Variants in ATG12 observed in about 807,000 individuals in gnomAD.
ATG12 encodes autophagy related 12.
A neutral mutation model predicts 17.6 loss-of-function variants in ATG12; 19 were observed. That is an observed-to-expected ratio of 1.08 (90% CI 0.75 to 1.58). ATG12 has a LOEUF of 1.58. Among genes scored for constraint, ATG12 ranks in the 40% most tolerant of loss-of-function variants. The pLI is 0.00. For synonymous variants in ATG12, 75 were observed against 62.4 expected, an observed-to-expected ratio of 1.20 and a Z score of -0.95; for missense variants, 214 against 162.0, an observed-to-expected ratio of 1.32 and a Z score of -1.74.
In ATG12 at chr5:115,831,620, T is replaced by C. The variant is rs533822467; in HGVS notation, c.*184A>G. The C allele has an allele frequency of 1.3e-4, 83 of 648,286 alleles. No individual in the cohort carries two copies. Among genetic ancestry groups the C allele is most frequent in the South Asian group, 7.5e-4 (42 of 56,290 alleles). 40.2% of individuals were successfully genotyped at this position (648,286 alleles called of 1,614,324 possible). ...TCTTTTATGATGACTGGTGCATTAA[T>C]ACAAATCACATTTTTCTGAGTCCAT... is the stretch of plus-strand genomic sequence containing the variant. On this transcript the variant is annotated 3_prime_UTR_variant, in exon 4 of 4. Coordinates refer to ENST00000509910, the MANE Select transcript of ATG12 (RefSeq NM_004707.4).
chr5:115,833,683 TTAAA>T (rs1760979096), intron 2 of ATG12: 1 of 152,160 alleles, frequency 6.6e-6, no homozygotes, highest in Admixed American at 6.5e-5. Flanking sequence ...TAAATTATCT[TTAAA>T]TAGTTCATGC....
chr5:115,831,717 C>A lies in ATG12; in HGVS notation c.*87G>T. The stretch of plus-strand genomic sequence containing the variant: ...ACTAAATAGATCACATCTGTTAAGT[C>A]TCTTGCCACAAGCATCAAAACTTTT... On this transcript the variant is annotated 3_prime_UTR_variant, in exon 4 of 4. Coordinates refer to ENST00000509910, the MANE Select transcript of ATG12 (RefSeq NM_004707.4). 2 of 1,245,222 alleles carry A rather than the reference C, an allele frequency of 1.6e-6. No individual in the cohort carries two copies. Among genetic ancestry groups the A allele is most frequent in the South Asian group, 2.5e-5 (2 of 79,110 alleles). 77.1% of individuals were successfully genotyped at this position (1,245,222 alleles called of 1,614,324 possible). A position where few individuals can be genotyped will look rare whatever the true frequency, so the allele number is the denominator to read the frequency against.
At chr5:115,840,184 A>G (rs899605585) in intron 1 of ATG12, among the ~76,000 whole-genome samples, 2 of 152,194 alleles carry the variant, frequency 1.3e-5, no homozygotes, top group African/African-American at 4.8e-5. Context: ...AAATACTTAT[A>G]GTGCATCAGG....
chr5:115,840,110 T>C (rs1420110205), intron 1 of ATG12, among the ~76,000 whole-genome samples: 2 of 151,990 alleles, frequency 1.3e-5, no homozygotes, highest in South Asian at 4.2e-4. Context: ...GAAGAAAAAA[T>C]GCAACAAAAC....
At chr5:115,836,422 C>G (rs1761102621) in intron 2 of ATG12, among the ~76,000 whole-genome samples, 1 of 152,170 alleles carries the variant, frequency 6.6e-6, no homozygotes, top group African/African-American at 2.4e-5. Context: ...GCATCTTTAG[C>G]AAAGATGCAG....
In ATG12 at chr5:115,841,440, G is replaced by C. The variant is rs773469743; in HGVS notation, c.113C>G (p.Ala38Gly). 6.2e-7 allele frequency: 1 copy of C among 1,610,100 alleles called. No individual in the cohort carries two copies. The highest frequency in any genetic ancestry group is 8.5e-7 in the Non-Finnish European group (1 of 1,179,108). Reference protein sequence around the residue: ...ETTTPEPPSSAAVSPGTEEPA... With the variant: ...ETTTPEPPSSGAVSPGTEEPA... ...TTCCTCTGTTCCCGGGGAAACTGCAGCGGAAGACGGGGGCTCCGGGGTGGT... is the reference window on the plus strand; with the variant it reads ...TTCCTCTGTTCCCGGGGAAACTGCACCGGAAGACGGGGGCTCCGGGGTGGT... Residue 38 changes from alanine (A) to glycine (G), a missense_variant, in exon 1 of 4, where the codon GCT becomes GGT. By Grantham distance (60) the Ala-to-Gly change is moderately conservative. Coordinates refer to ENST00000509910, the MANE Select transcript of ATG12 (RefSeq NM_004707.4).
rs1271554149 is a variant in ATG12, at chr5:115,828,920, C to G, written c.*2884G>C. On this transcript the variant is annotated 3_prime_UTR_variant, in exon 4 of 4. Coordinates refer to ENST00000509910, the MANE Select transcript of ATG12 (RefSeq NM_004707.4). ...TCTTCTCCTTGAATGATTCAGATAG[C>G]CTTTAAAAAGTTAAAATCTGAATCA... 6.6e-6 allele frequency: 1 copy of G among 151,982 alleles called. No homozygotes were observed. Among genetic ancestry groups the G allele is most frequent in the Non-Finnish European group, 1.5e-5 (1 of 67,986 alleles). 9.4% of individuals were successfully genotyped at this position (151,982 alleles called of 1,614,324 possible). A position where few individuals can be genotyped will look rare whatever the true frequency, so the allele number is the denominator to read the frequency against.
chr5:115,832,943 G>A, intron 2 of ATG12: 1 of 268,606 alleles, frequency 3.7e-6, no homozygotes, highest in Non-Finnish European at 6.9e-6. Flanking sequence ...AATAGCTTTT[G>A]AAGAGCTGGC....
chr5:115,833,251 A>C (rs1158574083), intron 2 of ATG12: 1 of 152,162 alleles, frequency 6.6e-6, no homozygotes, highest in African/African-American at 2.4e-5. Context: ...TAGTACTTAA[A>C]GTCACAGTGT....
rs1760831745 is a variant in ATG12 at position 115,830,613 on chromosome 5, A to T, written c.*1191T>A. The T allele has an allele frequency of 6.6e-6, 1 of 151,786 alleles. No individual in the cohort carries two copies. Among genetic ancestry groups the T allele is most frequent in the African/African-American group, 2.4e-5 (1 of 41,280 alleles). The allele number at this position is 151,786 out of a possible 1,614,324, so 9.4% of individuals were successfully genotyped here. A position where few individuals can be genotyped will look rare whatever the true frequency, so the allele number is the denominator to read the frequency against. On this transcript the variant is annotated 3_prime_UTR_variant, in exon 4 of 4. Coordinates refer to ENST00000509910, the MANE Select transcript of ATG12 (RefSeq NM_004707.4). Reference sequence around the variant, plus strand: ...GCAGGAATGCAGTGGTACAATCACGACTCACTATACCCTTGAACTTCTGGG... The same window carrying T: ...GCAGGAATGCAGTGGTACAATCACGTCTCACTATACCCTTGAACTTCTGGG...
At chr5:115,840,933 A>C in intron 1 of ATG12, 1 of 1,271,910 alleles carries the variant, frequency 7.9e-7, no homozygotes, top group Non-Finnish European at 1.0e-6. Flanking sequence ...ATTCACAACC[A>C]ACTGGGAGGG....
At chr5:115,840,992 G>A (rs903844573) in intron 1 of ATG12, 33 of 854,146 alleles carry the variant, frequency 3.9e-5, no homozygotes, top group Non-Finnish European at 5.4e-5. Flanking sequence ...TTCTAATCCA[G>A]GCTTTGCCAA....
intron 1 of ATG12, 119 bp from the exon 2 acceptor site, chr5:115,837,883 C>G: frequency 1.2e-6 from 1 of 809,316 alleles, no homozygotes; most frequent in Non-Finnish European, 1.8e-6. Context: ...ATTTATGATA[C>G]TGAAGATATG....
At chr5:115,832,377 A>G (rs958982405) in intron 3 of ATG12, among the ~76,000 whole-genome samples, 5 of 152,076 alleles carry the variant, frequency 3.3e-5, no homozygotes, top group African/African-American at 1.2e-4. Flanking sequence ...TTCTTCAATC[A>G]TTGTATAATT....
At chr5:115,832,570 T>C in intron 3 of ATG12, 32 bp downstream of exon 3, 2 of 956,408 alleles carry the variant, frequency 2.1e-6, no homozygotes, top group Non-Finnish European at 2.7e-6. Flanking sequence ...GTAATTTCTT[T>C]CTTTTTTTTT....
intron 2 of ATG12, 85 bp from the exon 3 acceptor site, chr5:115,832,749 T>C: frequency 1.6e-6 from 2 of 1,286,408 alleles, no homozygotes; most frequent in Non-Finnish European, 2.1e-6. Context: ...GCTAGCTATT[T>C]TGTATTGTTT....
chr5:115,841,557 C>G lies in ATG12; in HGVS notation c.-5G>C, dbSNP rs1761499055. Reference sequence around the variant, plus strand: ...AGACTGCGGCTCCTCCGCCATCTTGCTTGGAGACACTCGAGAGCGGAAGTA... The same window carrying G: ...AGACTGCGGCTCCTCCGCCATCTTGGTTGGAGACACTCGAGAGCGGAAGTA... On this transcript the variant is annotated 5_prime_UTR_variant, in exon 1 of 4. Coordinates refer to ENST00000509910, the MANE Select transcript of ATG12 (RefSeq NM_004707.4). 3 of 1,613,958 alleles carry G rather than the reference C, an allele frequency of 1.9e-6. No homozygotes were observed. Among genetic ancestry groups the G allele is most frequent in the African/African-American group, 1.3e-5 (1 of 74,912 alleles).
Position 115,831,288 on chromosome 5 carries a change from TC to T in ATG12, c.*515del. 6.5e-6 allele frequency: 1 copy of T among 154,286 alleles called. No individual in the cohort carries two copies. Among genetic ancestry groups the T allele is most frequent in the Non-Finnish European group, 1.4e-5 (1 of 69,578 alleles). The allele number at this position is 154,286 out of a possible 1,614,324, so 9.6% of individuals were successfully genotyped here. On this transcript the variant is annotated 3_prime_UTR_variant, in exon 4 of 4. Transcript: ENST00000509910. ...CAAAAACAGCCATTTCCCCTATTAT[TC>T]CCCAGCAAAGATGTGAAACCAAAAC... is the stretch of plus-strand genomic sequence containing the variant.
chr5:115,841,389 C>G lies in ATG12; in HGVS notation c.163+1G>C. ...CTCTGCCCGGAAATAAATTCAGTTA[C>G]TTTTTTTCTTGGTGTCGCCAGCAGG... On this transcript the variant is annotated splice_donor_variant, in intron 1 of 3. Coordinates refer to ENST00000509910, the MANE Select transcript of ATG12 (RefSeq NM_004707.4). LOFTEE classifies it high-confidence loss of function. 6.2e-7 allele frequency: 1 copy of G among 1,611,702 alleles called. No homozygotes were observed. The highest frequency in any genetic ancestry group is 1.3e-5 in the African/African-American group (1 of 74,660).
Sources: gnomAD v4.1 joint callset for allele counts (sites outside exome capture counted in the v4.1 genomes callset) on GRCh38, gnomAD v4.1.1 for gene constraint, MANE v1.5 for transcripts, NCBI Gene and HGNC (gene_info 2026-07-23, HGNC 2026-07-21) for gene names.